The following TTLL6 variants were observed in gnomAD, a reference collection of about 807,000 sequenced individuals.
The protein encoded by TTLL6 is tubulin polyglutamylase TTLL6.
TTLL6 carries 75 observed loss-of-function variants against 96.4 expected under a neutral mutation model. The ratio of observed to expected loss-of-function variants is 0.78; its 90% CI spans 0.65 to 0.94. TTLL6 has a LOEUF of 0.94. Among genes scored for constraint, TTLL6 ranks in the 40% least tolerant of loss-of-function variants. The pLI, the probability that TTLL6 is intolerant of heterozygous loss-of-function variation, is 0.00. For missense variants in TTLL6, 1,030 were observed against 1,093.0 expected (o/e 0.94, Z 0.81); for synonymous variants, 411 against 419.4 (o/e 0.98, Z 0.24).
Position 48,799,757 on chromosome 17 carries a change from C to T in TTLL6, c.615G>A (p.Trp205Ter). The change falls in exon 6 of 16, where the codon TGG (tryptophan) becomes TGA (stop). Residue 205 changes from tryptophan (W) to a stop codon, truncating the protein, a stop_gained. Coordinates refer to ENST00000393382, the MANE Select transcript of TTLL6 (RefSeq NM_001130918.3). LOFTEE classifies it high-confidence loss of function. ...ACCTGCTGTAGGTCTGCAAATCTCC[C>T]CAGCTACCAGAGCAGGGAGGGAACA... ...FPRTWCLPADWGDLQTYSRSR... is the reference protein window; with the variant it reads ...FPRTWCLPAD 1.9e-6 allele frequency: 3 copies of T among 1,551,534 alleles called. No individual in the cohort carries two copies. Among genetic ancestry groups the T allele is most frequent in the Non-Finnish European group, 2.6e-6 (3 of 1,146,926 alleles).
chr17:48,804,710 C>T, intron 2 of TTLL6, 62 bp downstream of exon 2: 1 of 1,397,760 alleles, frequency 7.2e-7, no homozygotes. Context: ...AGACCCCCTT[C>T]CCTCCAAGTC....
intron 1 of TTLL6, among the ~76,000 whole-genome samples, chr17:48,809,051 C>A: frequency 6.6e-6 from 1 of 152,110 alleles, no homozygotes; most frequent in East Asian, 1.9e-4. Context: ...GTTCTCTGGG[C>A]TTTTCAAAGA....
chr17:48,801,123 T>C (rs2039404242), intron 5 of TTLL6, 132 bp downstream of exon 5: 1 of 800,570 alleles, frequency 1.2e-6, no homozygotes, highest in Non-Finnish European at 2.0e-6. Context: ...TTATCCCTTC[T>C]CTTCCTGAAA....
chr17:48,805,091 G>A, intron 1 of TTLL6, 100 bp from the exon 2 acceptor site: 1 of 935,974 alleles, frequency 1.1e-6, no homozygotes, highest in Admixed American at 2.5e-5. Context: ...CTAATTCAAC[G>A]CAACAGGTTG....
intron 6 of TTLL6, 55 bp downstream of exon 6, chr17:48,799,549 G>A (rs1251680310): frequency 1.3e-6 from 2 of 1,511,324 alleles, no homozygotes; most frequent in African/African-American, 2.8e-5. Context: ...GTCCAGTGGA[G>A]CTAAAGTCCG....
chr17:48,786,873 C>G (rs2039110551), intron 11 of TTLL6, among the ~76,000 whole-genome samples: 1 of 143,696 alleles, frequency 7.0e-6, no homozygotes, highest in Non-Finnish European at 1.5e-5. Context: ...TCGCTCTGTC[C>G]CCCAGGCTGG....
Position 48,790,122 on chromosome 17 carries a change from T to C in TTLL6, c.1225-16A>G. 1 of 1,611,358 alleles carries C rather than the reference T, an allele frequency of 6.2e-7. No homozygotes were observed. Among genetic ancestry groups the C allele is most frequent in the Non-Finnish European group, 8.5e-7 (1 of 1,178,388 alleles). ...AGTGGTTGACCTGTGAGGGCAAGAT[T>C]GGCAGCTGGTGACAAAGCCGTCCAG... On this transcript the variant is annotated splice_polypyrimidine_tract_variant and intron_variant, in intron 9 of 15. Transcript: ENST00000393382.
intron 3 of TTLL6, among the ~76,000 whole-genome samples, chr17:48,802,046 AAAAG>A (rs2039425795): frequency 1.3e-5 from 2 of 150,424 alleles, no homozygotes; most frequent in Admixed American, 6.7e-5. Flanking sequence ...TGTCAAAAAA[AAAAG>A]AAAGAAAGAA....
chr17:48,796,961 T>G, intron 7 of TTLL6, 100 bp downstream of exon 7: 1 of 1,334,152 alleles, frequency 7.5e-7, no homozygotes, highest in Non-Finnish European at 1.0e-6. Flanking sequence ...GCTCAACAAA[T>G]GACACTCACA....
At position 48,790,111 on chromosome 17, in the gene TTLL6, G is replaced by A. The variant is rs755503176; in HGVS notation, c.1225-5C>T. ...GAAGCTTGGAGAGTGGTTGACCTGTGAGGGCAAGATTGGCAGCTGGTGACA... is the reference window on the plus strand; with the variant it reads ...GAAGCTTGGAGAGTGGTTGACCTGTAAGGGCAAGATTGGCAGCTGGTGACA... On this transcript the variant is annotated splice_region_variant and splice_polypyrimidine_tract_variant and intron_variant, in intron 9 of 15. Coordinates refer to ENST00000393382, the MANE Select transcript of TTLL6 (RefSeq NM_001130918.3). 2 of 1,612,944 alleles carry A rather than the reference G, an allele frequency of 1.2e-6. No individual in the cohort carries two copies. Among genetic ancestry groups the A allele is most frequent in the East Asian group, 2.2e-5 (1 of 44,884 alleles).
Position 48,769,151 on chromosome 17 carries a change from A to G in TTLL6, c.2514T>C (p.Tyr838=), listed in dbSNP as rs1032360064. 2.5e-6 allele frequency: 4 copies of G among 1,614,170 alleles called. No individual in the cohort carries two copies. Among genetic ancestry groups the G allele is most frequent in the African/African-American group, 2.7e-5 (2 of 75,060 alleles). Reference sequence around the variant, plus strand: ...CCAGCAGGTCCCTCAGAGTAACATTATAGCTCTGAGGACTCTGCAAGAGGA... The same window carrying G: ...CCAGCAGGTCCCTCAGAGTAACATTGTAGCTCTGAGGACTCTGCAAGAGGA... ...SSLLLQSPQS[Y]NVTLRDLLVI... is the part of the protein sequence containing the mutation. The change falls in exon 15 of 16, where the codon TAT becomes TAC. Residue 838 remains tyrosine, a synonymous_variant. Coordinates refer to ENST00000393382, the MANE Select transcript of TTLL6 (RefSeq NM_001130918.3).
intron 13 of TTLL6, among the ~76,000 whole-genome samples, chr17:48,774,092 AAAAC>A (rs2038812007): frequency 3.8e-5 from 3 of 79,648 alleles, no homozygotes; most frequent in Non-Finnish European, 7.2e-5. Flanking sequence ...CAAAAAAAAC[AAAAC>A]AAAAAAAAAA....
At chr17:48,796,249 G>A in intron 7 of TTLL6, 103 bp from the exon 8 acceptor site, 4 of 897,358 alleles carry the variant, frequency 4.5e-6, no homozygotes, top group Non-Finnish European at 5.1e-6. Flanking sequence ...GGGATGGAAA[G>A]AAAGGGAAGT....
chr17:48,784,326 G>A (rs899480191), intron 13 of TTLL6, among the ~76,000 whole-genome samples: 11 of 152,046 alleles, frequency 7.2e-5, no homozygotes, highest in African/African-American at 2.2e-4. Flanking sequence ...GATGGCTTGA[G>A]CATGGGAGGC....
chr17:48,808,998 G>A (rs567381856), intron 1 of TTLL6, among the ~76,000 whole-genome samples: 2 of 152,252 alleles, frequency 1.3e-5, no homozygotes, highest in East Asian at 3.9e-4. Flanking sequence ...AACTATGGAA[G>A]CTACCTATAA....
chr17:48,763,881 T>G (rs1056113574), intron 15 of TTLL6, among the ~76,000 whole-genome samples: 2 of 152,040 alleles, frequency 1.3e-5, no homozygotes, highest in Non-Finnish European at 2.9e-5. Flanking sequence ...GGAGAATAGC[T>G]TGAACCTGGG....
intron 13 of TTLL6, 62 bp downstream of exon 13, chr17:48,784,861 A>C: frequency 7.0e-7 from 1 of 1,433,604 alleles, no homozygotes; most frequent in Non-Finnish European, 9.7e-7. Context: ...AGTTGGGGGT[A>C]GAGAAAGGAC....
chr17:48,801,241 C>CCG lies in TTLL6; in HGVS notation c.611+13_611+14insCG. On this transcript the variant is annotated intron_variant, in intron 5 of 15. Coordinates refer to ENST00000393382, the MANE Select transcript of TTLL6 (RefSeq NM_001130918.3). ...GGGGAGTGGAGAAGGAAGTACAGGG[C>CCG]GGGGGGCACTCACTCAGCAGGAAGA... 6.5e-7 allele frequency: 1 copy of CCG among 1,549,896 alleles called. No individual in the cohort carries two copies. Among genetic ancestry groups the CCG allele is most frequent in the Non-Finnish European group, 8.7e-7 (1 of 1,145,862 alleles).
intron 8 of TTLL6, 42 bp downstream of exon 8, chr17:48,796,019 G>C (rs534452913): frequency 2.0e-6 from 3 of 1,490,172 alleles, no homozygotes; most frequent in African/African-American, 2.8e-5. Context: ...GCAGTTCTGA[G>C]GTTGGTAGGG....
Sources: gnomAD v4.1 joint callset for allele counts (sites outside exome capture counted in the v4.1 genomes callset) on GRCh38, gnomAD v4.1.1 for gene constraint, MANE v1.5 for transcripts, NCBI Gene and HGNC (gene_info 2026-07-23, HGNC 2026-07-21) for gene names.